The following TP73 variants were observed in gnomAD, a reference collection of about 807,000 sequenced individuals.
The protein encoded by TP73 is p53-like transcription factor.
A neutral mutation model predicts 62.5 loss-of-function variants in TP73; 25 were observed. That is an observed-to-expected ratio of 0.40 (90% CI 0.29 to 0.56). The LOEUF is 0.56. Among genes scored for constraint, TP73 ranks in the 20% least tolerant of loss-of-function variants. The probability of loss-of-function intolerance (pLI) is 0.46; values close to 1 mark genes in which losing one functional copy is unlikely to be tolerated. For synonymous variants in TP73, 423 were observed against 377.5 expected, an observed-to-expected ratio of 1.12 and a Z score of -1.40; for missense variants, 754 against 913.3, an observed-to-expected ratio of 0.83 and a Z score of 2.25.
intron 4 of TP73, among the ~76,000 whole-genome samples, chr1:3,720,771 G>A (rs76988100): frequency 2.0e-5 from 3 of 152,222 alleles, no homozygotes; most frequent in Non-Finnish European, 4.4e-5. Flanking sequence ...CAGTACTGGT[G>A]GCCAGTGGGG....
chr1:3,723,160 G>A (rs7537335), intron 5 of TP73, among the ~76,000 whole-genome samples, 194 bp from the exon 6 acceptor site: 23,177 of 148,630 alleles, frequency 0.16, 3,311 homozygotes, highest in African/African-American at 0.39. Flanking sequence ...TGCCTGGCAC[G>A]GGGCCAGCAC....
chr1:3,688,827 A>G (rs1044239279), intron 3 of TP73, among the ~76,000 whole-genome samples: 1 of 152,148 alleles, frequency 6.6e-6, no homozygotes, highest in Non-Finnish European at 1.5e-5. Flanking sequence ...TGCCCTGGGC[A>G]TGGGTGGGGC....
chr1:3,658,501 G>C (rs1644914415), intron 1 of TP73, among the ~76,000 whole-genome samples: 1 of 151,114 alleles, frequency 6.6e-6, no homozygotes, highest in Non-Finnish European at 1.5e-5. Context: ...AATGAGGAGA[G>C]GGTGAGGGAG....
intron 3 of TP73, among the ~76,000 whole-genome samples, chr1:3,702,756 G>T (rs1315295138): frequency 6.6e-6 from 1 of 152,226 alleles, no homozygotes; most frequent in East Asian, 1.9e-4. Context: ...ACACATGTAG[G>T]CACTTGTGGC....
intron 9 of TP73, among the ~76,000 whole-genome samples, chr1:3,728,958 A>G (rs1390051822): frequency 1.3e-5 from 2 of 152,010 alleles, no homozygotes; most frequent in African/African-American, 4.8e-5. Flanking sequence ...ACTGCACTCT[A>G]GCCTAGGCGA....
At chr1:3,680,718 T>C (rs1052686856) in intron 1 of TP73, among the ~76,000 whole-genome samples, 24 of 152,214 alleles carry the variant, frequency 1.6e-4, no homozygotes, top group Admixed American at 3.9e-4. Context: ...CAGCCTCAGC[T>C]GGACCTGCGG....
At position 3,666,629 on chromosome 1, in the gene TP73, C is replaced by T. The variant is rs1011057627; in HGVS notation, c.-34+13988C>T. Among the ~76,000 whole-genome samples, 3 of 152,142 alleles carry T rather than the reference C, an allele frequency of 2.0e-5. No homozygotes were observed. Among genetic ancestry groups the T allele is most frequent in the Non-Finnish European group, 2.9e-5 (2 of 68,018 alleles). On this transcript the variant is annotated intron_variant, in intron 1 of 13. Transcript: ENST00000378295. This position sits in a 1 kb window ranked among gnomAD's most constrained non-coding sequence, Gnocchi z 6.4. ...CACCACCTCCTGCCCACCTCCCTGG[C>T]CTTGGCTGCAGGCTAGGGTGCCCTT...
At chr1:3,726,797 GATA>G (rs1218569615) in intron 6 of TP73, among the ~76,000 whole-genome samples, 5 of 148,998 alleles carry the variant, frequency 3.4e-5, no homozygotes, top group African/African-American at 7.4e-5. Context: ...TGGATGGGTA[GATA>G]ATAAATGGGG....
chr1:3,729,239 C>A, intron 9 of TP73, 88 bp from the exon 10 acceptor site: 1 of 1,566,702 alleles, frequency 6.4e-7, no homozygotes. Flanking sequence ...AGATGCTTTG[C>A]CAAGCCCAGG....
At chr1:3,720,691 G>A (rs187847056) in intron 4 of TP73, among the ~76,000 whole-genome samples, 78 of 152,274 alleles carry the variant, frequency 5.1e-4, no homozygotes, top group African/African-American at 1.8e-3. Context: ...CTGGCTTTTC[G>A]TGTGCCTGCA....
chr1:3,707,932 C>G (rs1309578711), intron 4 of TP73, 141 bp downstream of exon 4: 1 of 1,376,440 alleles, frequency 7.3e-7, no homozygotes, highest in Non-Finnish European at 9.7e-7. Flanking sequence ...CCAGGAGGAG[C>G]ATCGGGCAGG....
intron 3 of TP73, among the ~76,000 whole-genome samples, chr1:3,704,206 C>A (rs368512785): frequency 2.0e-5 from 3 of 152,348 alleles, no homozygotes; most frequent in East Asian, 3.9e-4. Context: ...TAGCCGCATT[C>A]AAAAAGGTGG....
intron 4 of TP73, among the ~76,000 whole-genome samples, chr1:3,713,951 T>G (rs1182197852): frequency 6.6e-6 from 1 of 151,974 alleles, no homozygotes; most frequent in Non-Finnish European, 1.5e-5. Flanking sequence ...TCAGAGCCCA[T>G]GGGGAAACCG....
At chr1:3,654,549 A>G (rs1231126572) in intron 1 of TP73, among the ~76,000 whole-genome samples, 5 of 152,234 alleles carry the variant, frequency 3.3e-5, no homozygotes, top group Non-Finnish European at 7.3e-5. Flanking sequence ...GGGTAATAGT[A>G]GTTCCTGCCT....
chr1:3,727,203 T>C lies in TP73; in HGVS notation c.821T>C (p.Ile274Thr). The C allele has an allele frequency of 6.2e-7, 1 of 1,612,140 alleles. No individual in the cohort carries two copies. The highest frequency in any genetic ancestry group is 8.5e-7 in the Non-Finnish European group (1 of 1,179,532). The change falls in exon 7 of 14, where the codon ATC becomes ACC. Residue 274 changes from isoleucine (I) to threonine (T), a missense_variant. Ile to Thr is a moderately conservative substitution (Grantham distance 89, BLOSUM62 -1). Around this residue, in one of 3 missense-constraint regions of TP73, gnomAD observed 458 missense variants for 528.7 expected, o/e 0.87. Coordinates refer to ENST00000378295, the MANE Select transcript of TP73 (RefSeq NM_005427.4). ...ATGAACCGGCGGCCCATCCTCATCATCATCACCCTGGAGATGCGGGAGTGA... is the reference window on the plus strand; with the variant it reads ...ATGAACCGGCGGCCCATCCTCATCACCATCACCCTGGAGATGCGGGAGTGA... ...GGMNRRPILI[I>T]ITLEMRDGQV... is the part of the protein sequence containing the mutation.
At chr1:3,729,144 T>C (rs1557587112) in intron 9 of TP73, among the ~76,000 whole-genome samples, 183 bp from the exon 10 acceptor site, 1 of 152,144 alleles carries the variant, frequency 6.6e-6, no homozygotes, top group African/African-American at 2.4e-5. Flanking sequence ...AGTCAGGGGC[T>C]CTGGTTAGAC....
chr1:3,656,311 T>C (rs1243853629), intron 1 of TP73, among the ~76,000 whole-genome samples: 4 of 152,262 alleles, frequency 2.6e-5, no homozygotes, highest in African/African-American at 9.6e-5. Flanking sequence ...CTGTGCTCAG[T>C]ATTTCTTTGC....
rs2124533244 is a variant in TP73 at position 3,729,431 on chromosome 1, G to A, written c.1179G>A (p.Gln393=). ...QPLVDSYRQQ[Q]QLLQRPSHLQ... is the part of the protein sequence containing the mutation. The stretch of plus-strand genomic sequence containing the variant: ...TGGTGGACTCCTATCGGCAGCAGCA[G>A]CAGCTCCTACAGAGGCCGTGAGTCA... Residue 393 remains glutamine, a synonymous_variant, in exon 10 of 14, where the codon CAG becomes CAA. Transcript: ENST00000378295. The A allele has an allele frequency of 6.2e-7, 1 of 1,612,856 alleles. No homozygotes were observed. Among genetic ancestry groups the A allele is most frequent in the Admixed American group, 1.7e-5 (1 of 60,014 alleles).
At chr1:3,698,307 C>A (rs985422917) in intron 3 of TP73, among the ~76,000 whole-genome samples, 4 of 152,188 alleles carry the variant, frequency 2.6e-5, no homozygotes, top group African/African-American at 9.7e-5. Flanking sequence ...TCTTCCCGGG[C>A]ACTCGGCATT....
Sources: allele counts gnomAD v4.1 joint callset (sites outside exome capture counted in the v4.1 genomes callset), GRCh38; gene constraint gnomAD v4.1.1; regional missense constraint gnomAD v4.1.1; non-coding constraint Gnocchi (gnomAD v3.1); transcripts MANE v1.5; gene names NCBI Gene and HGNC (gene_info 2026-07-23, HGNC 2026-07-21).